Variants in RASSF3 observed in about 807,000 individuals in gnomAD.
The protein encoded by RASSF3 is ras association domain-containing protein 3.
A neutral mutation model predicts 19.9 loss-of-function variants in RASSF3; 19 were observed. The observed-to-expected ratio is 0.96, with a 90% CI of 0.67 to 1.40. The LOEUF (loss-of-function observed/expected upper bound fraction) is 1.40. Ranked by LOEUF, RASSF3 falls within the 40% of genes most tolerant of loss-of-function variation. The pLI is 0.00. For synonymous variants in RASSF3, 110 were observed against 104.2 expected (o/e 1.06, Z -0.34); for missense variants, 306 against 289.8 (o/e 1.06, Z -0.41).
downstream of RASSF3, among the ~76,000 whole-genome samples, chr12:64,543,337 C>T (rs1404256870): frequency 2.0e-5 from 3 of 150,806 alleles, no homozygotes; most frequent in Admixed American, 6.6e-5. Context: ...GCGCTGCGCT[C>T]GATTTCTCGC....
intron 1 of RASSF3, among the ~76,000 whole-genome samples, chr12:64,634,969 T>C (rs1871286701): frequency 4.8e-5 from 2 of 41,714 alleles, no homozygotes; most frequent in Non-Finnish European, 1.1e-4. Context: ...TTTCTTTTCT[T>C]TTTTTTTTTT....
intron 2 of RASSF3, among the ~76,000 whole-genome samples, chr12:64,569,487 C>T (rs1565840907): frequency 6.6e-6 from 1 of 152,210 alleles, no homozygotes; most frequent in Non-Finnish European, 1.5e-5. Context: ...CCGAACGTTG[C>T]CATGAGTTAC....
upstream of RASSF3, among the ~76,000 whole-genome samples, chr12:64,607,248 C>T (rs948863143): frequency 2.0e-5 from 3 of 150,998 alleles, no homozygotes; most frequent in Admixed American, 6.6e-5. Flanking sequence ...GGCACCACTG[C>T]ACTCCAGCAA....
chr12:64,538,151 G>A (rs1868867127), intron 1 of RASSF3, among the ~76,000 whole-genome samples: 1 of 152,088 alleles, frequency 6.6e-6, no homozygotes, highest in African/African-American at 2.4e-5. Context: ...CTCATGCTAA[G>A]CTAATATTTT....
At chr12:64,536,267 C>G (rs1241000711) in intron 1 of RASSF3, among the ~76,000 whole-genome samples, 1 of 152,000 alleles carries the variant, frequency 6.6e-6, no homozygotes, top group African/African-American at 2.4e-5. Context: ...GCCTCGGCCT[C>G]CCAAAGTGCT....
chr12:64,528,539 C>T (rs1399199655), upstream of RASSF3, among the ~76,000 whole-genome samples: 1 of 152,154 alleles, frequency 6.6e-6, no homozygotes, highest in African/African-American at 2.4e-5. Context: ...GGTTTTACAG[C>T]GGTCTTCAAA....
rs1013196590 is a variant in RASSF3, at chr12:64,657,753, G to A, written c.112-27034G>A. Among the ~76,000 whole-genome samples, 29 of 152,374 alleles carry A rather than the reference G, an allele frequency of 1.9e-4. 1 individual carries two copies. The Middle Eastern group carries it at 0.01, about 54-fold the overall frequency. On this transcript the variant is annotated intron_variant, in intron 1 of 4. Coordinates refer to ENST00000542104, the MANE Select transcript of RASSF3 (RefSeq NM_178169.4). ...CAAGGCACTTTTAATCCAGAGGAAG[G>A]TTGGCAAAGATACATTTGCTTGAAA...
intron 1 of RASSF3, among the ~76,000 whole-genome samples, chr12:64,612,438 A>G (rs963703023): frequency 3.3e-5 from 5 of 151,590 alleles, no homozygotes; most frequent in African/African-American, 1.2e-4. Flanking sequence ...TAAAGAGTAA[A>G]GACATCAGTT....
At chr12:64,530,585 T>C (rs372890494), upstream of RASSF3, among the ~76,000 whole-genome samples, 2 of 152,352 alleles carry the variant, frequency 1.3e-5, no homozygotes, top group East Asian at 3.9e-4. Context: ...TGGTTAAATA[T>C]GTAGGAGTAG....
At chr12:64,534,326 C>T (rs7972780) in intron 1 of RASSF3, among the ~76,000 whole-genome samples, 86,181 of 151,750 alleles carry the variant, frequency 0.57, 24,992 homozygotes, top group East Asian at 0.72. Flanking sequence ...AACAACGACA[C>T]TAACAACAAT....
At chr12:64,575,627 T>C (rs2136132215) in intron 2 of RASSF3, 1 of 152,220 alleles carries the variant, frequency 6.6e-6, no homozygotes, top group African/African-American at 2.4e-5. Flanking sequence ...TAGAAGACTA[T>C]TATGAAAAAC....
intron 2 of RASSF3, among the ~76,000 whole-genome samples, chr12:64,555,671 G>A (rs1329847303): frequency 4.0e-5 from 6 of 151,656 alleles, no homozygotes; most frequent in African/African-American, 1.5e-4. Context: ...ATGGTGTAAA[G>A]CCAGGAGGCG....
At chr12:64,680,861 C>T (rs561706675) in intron 1 of RASSF3, among the ~76,000 whole-genome samples, 1 of 152,280 alleles carries the variant, frequency 6.6e-6, no homozygotes, top group African/African-American at 2.4e-5. Context: ...ATCCGCCCGC[C>T]TCGGCCTCCC....
intron 1 of RASSF3, among the ~76,000 whole-genome samples, chr12:64,616,156 C>CAT (rs1481954986): frequency 6.6e-6 from 1 of 152,168 alleles, no homozygotes; most frequent in South Asian, 2.1e-4. Flanking sequence ...TTCACAAAGG[C>CAT]ATATTCCTTT....
At chr12:64,526,808 A>G (rs1363317124) in intron 1 of RASSF3, among the ~76,000 whole-genome samples, 1 of 152,214 alleles carries the variant, frequency 6.6e-6, no homozygotes, top group Non-Finnish European at 1.5e-5. Flanking sequence ...AGCCTCCCAA[A>G]GTGCTAGGAT....
intron 2 of RASSF3, among the ~76,000 whole-genome samples, chr12:64,589,548 C>A (rs1012329787): frequency 4.6e-5 from 7 of 152,224 alleles, no homozygotes; most frequent in Non-Finnish European, 1.0e-4. Context: ...GCCAGTATTG[C>A]TTCCACAAGC....
At chr12:64,648,822 T>TTTTTTA (rs1555214230) in intron 1 of RASSF3, among the ~76,000 whole-genome samples, 2 of 149,628 alleles carry the variant, frequency 1.3e-5, no homozygotes, top group Non-Finnish European at 3.0e-5. Flanking sequence ...TTTTTTTTTT[T>TTTTTTA]AGAGATAGGG....
upstream of RASSF3, among the ~76,000 whole-genome samples, chr12:64,530,194 T>G (rs1341868713): frequency 3.3e-5 from 5 of 152,238 alleles, no homozygotes; most frequent in African/African-American, 4.8e-5. Flanking sequence ...ATAAATGGAA[T>G]GATATAATAT....
intron 2 of RASSF3, among the ~76,000 whole-genome samples, chr12:64,578,639 G>T (rs78494234): frequency 1.6e-5 from 2 of 121,348 alleles, no homozygotes; most frequent in Non-Finnish European, 3.6e-5. Flanking sequence ...TACAAAAAAA[G>T]AAAAAAAGAG....
Sources: gnomAD v4.1 joint callset for allele counts (sites outside exome capture counted in the v4.1 genomes callset) on GRCh38, gnomAD v4.1.1 for gene constraint, MANE v1.5 for transcripts, NCBI Gene and HGNC (gene_info 2026-07-23, HGNC 2026-07-21) for gene names.